The following ATP8A2 variants were observed in gnomAD, a reference collection of about 807,000 sequenced individuals.
The protein encoded by ATP8A2 is phospholipid-transporting ATPase IB.
ATP8A2 carries 100 observed loss-of-function variants against 165.6 expected under a neutral mutation model. That is an observed-to-expected ratio of 0.60 (90% CI 0.51 to 0.71). The LOEUF is 0.71. Ranked by LOEUF, ATP8A2 falls within the 30% of genes least tolerant of loss-of-function variation. The pLI, the probability that ATP8A2 is intolerant of heterozygous loss-of-function variation, is 0.00. For missense variants in ATP8A2, 1,227 were observed against 1,479.5 expected (o/e 0.83, Z 2.80); for synonymous variants, 543 against 548.8 (o/e 0.99, Z 0.15).
At chr13:25,612,004 G>T (rs1184287629) in intron 24 of ATP8A2, among the ~76,000 whole-genome samples, 1 of 151,926 alleles carries the variant, frequency 6.6e-6, no homozygotes, top group African/African-American at 2.4e-5. Context: ...ATTTCTAATT[G>T]AACTTAGTTG....
rs544699781 is a variant in ATP8A2 at position 25,553,723 on chromosome 13, A to G, written c.1058-70A>G. The G allele has an allele frequency of 8.1e-5, 120 of 1,486,094 alleles. No individual in the cohort carries two copies. The African/African-American group carries it at 1.3e-3, about 16-fold the overall frequency. 92.1% of individuals were successfully genotyped at this position (1,486,094 alleles called of 1,614,324 possible). ...GGAGGTGCTCAATAACTATTTTAAC[A>G]TGAATCTCTAAATGAGCCAATAGAC... On this transcript the variant is annotated intron_variant, in intron 11 of 36. Coordinates refer to ENST00000381655, the MANE Select transcript of ATP8A2 (RefSeq NM_016529.6).
intron 33 of ATP8A2, among the ~76,000 whole-genome samples, chr13:25,923,336 A>G (rs1954513808): frequency 6.6e-6 from 1 of 152,210 alleles, no homozygotes; most frequent in Non-Finnish European, 1.5e-5. Context: ...GCCTCCTACA[A>G]GCCAGCACAC....
intron 9 of ATP8A2, among the ~76,000 whole-genome samples, chr13:25,542,951 T>A (rs1273294620): frequency 6.6e-6 from 1 of 152,134 alleles, no homozygotes; most frequent in Non-Finnish European, 1.5e-5. Context: ...CTTCCAATAA[T>A]AATACTTAAC....
chr13:25,544,461 C>T (rs866059283), intron 10 of ATP8A2, among the ~76,000 whole-genome samples: 4 of 152,250 alleles, frequency 2.6e-5, no homozygotes, highest in South Asian at 2.1e-4. Flanking sequence ...AAGCAGTAGA[C>T]GTTGGTGGCC....
At chr13:25,814,123 T>A (rs1015837911) in intron 27 of ATP8A2, among the ~76,000 whole-genome samples, 6 of 57,562 alleles carry the variant, frequency 1.0e-4, no homozygotes, top group South Asian at 6.4e-4. Flanking sequence ...ACACACACAC[T>A]CATTAAGTGC....
At chr13:25,567,438 C>T (rs947887021) in intron 16 of ATP8A2, 13 of 456,018 alleles carry the variant, frequency 2.9e-5, no homozygotes, top group African/African-American at 1.0e-4. Flanking sequence ...TCCTCCTCAT[C>T]GTCTGCCCTC....
chr13:25,522,232 T>A (rs2037694584), intron 2 of ATP8A2, among the ~76,000 whole-genome samples: 1 of 152,190 alleles, frequency 6.6e-6, no homozygotes, highest in South Asian at 2.1e-4. Flanking sequence ...TTGTAGCTAT[T>A]GTAAATGAGA....
chr13:25,547,746 A>AAG (rs1255251472), intron 10 of ATP8A2, among the ~76,000 whole-genome samples: 2 of 152,194 alleles, frequency 1.3e-5, no homozygotes, highest in South Asian at 4.1e-4. Context: ...AGCTTTTCTA[A>AAG]CTAGAATTCA....
chr13:25,530,124 GA>G, intron 3 of ATP8A2, 26 bp downstream of exon 3: 1 of 1,372,000 alleles, frequency 7.3e-7, no homozygotes, highest in East Asian at 2.3e-5. Flanking sequence ...CAGTTCCTTG[GA>G]ATTCACTTAA....
intron 33 of ATP8A2, among the ~76,000 whole-genome samples, chr13:25,913,049 T>C (rs570040039): frequency 6.6e-6 from 1 of 152,314 alleles, no homozygotes; most frequent in East Asian, 1.9e-4. Flanking sequence ...GGATAAAGAG[T>C]TAAAAATAGC....
chr13:25,419,760 A>G (rs557299855), intron 1 of ATP8A2, among the ~76,000 whole-genome samples: 1 of 152,302 alleles, frequency 6.6e-6, no homozygotes, highest in East Asian at 1.9e-4. Context: ...AAGATTAACG[A>G]TTAGGAAACA....
chr13:25,757,024 ATGTTCACACAT>A (rs1381425862), intron 25 of ATP8A2, among the ~76,000 whole-genome samples: 2 of 152,134 alleles, frequency 1.3e-5, no homozygotes, highest in Non-Finnish European at 2.9e-5. Flanking sequence ...CCTCATTAAT[ATGTTCACACAT>A]TGCCAACGCC....
At chr13:25,580,093 T>C in intron 22 of ATP8A2, 146 bp downstream of exon 22, 1 of 1,006,528 alleles carries the variant, frequency 9.9e-7, no homozygotes, top group Non-Finnish European at 1.4e-6. Context: ...ATCATTTTCT[T>C]TGCTTTAAGA....
chr13:25,919,521 T>C (rs1488884806), intron 33 of ATP8A2, among the ~76,000 whole-genome samples: 6 of 152,108 alleles, frequency 3.9e-5, no homozygotes, highest in African/African-American at 9.7e-5. Context: ...CGAGGTGGGC[T>C]GCGGGAGCCT....
At chr13:25,987,812 A>C (rs1956302698) in intron 35 of ATP8A2, among the ~76,000 whole-genome samples, 1 of 152,204 alleles carries the variant, frequency 6.6e-6, no homozygotes, top group African/African-American at 2.4e-5. Context: ...AACTAACAAT[A>C]AAAAAGGCAC....
At chr13:26,000,985 A>G (rs1237164296) in intron 35 of ATP8A2, among the ~76,000 whole-genome samples, 1 of 152,202 alleles carries the variant, frequency 6.6e-6, no homozygotes, top group Admixed American at 6.5e-5. Flanking sequence ...GAATATTTTC[A>G]TCTCCCCAAA....
intron 35 of ATP8A2, among the ~76,000 whole-genome samples, chr13:25,978,994 T>A (rs1413730836): frequency 6.6e-6 from 1 of 152,014 alleles, no homozygotes; most frequent in Non-Finnish European, 1.5e-5. Context: ...ATTTGATGGC[T>A]GCTTTTGCAC....
intron 25 of ATP8A2, 77 bp downstream of exon 25, chr13:25,699,422 A>C: frequency 3.5e-6 from 4 of 1,144,820 alleles, no homozygotes; most frequent in Non-Finnish European, 4.7e-6. Flanking sequence ...AAAGGGATGC[A>C]TGGGAATTCT....
intron 27 of ATP8A2, among the ~76,000 whole-genome samples, chr13:25,801,045 G>C (rs531941495): frequency 6.6e-6 from 1 of 152,278 alleles, no homozygotes; most frequent in South Asian, 2.1e-4. Context: ...AGCTGCTGAG[G>C]TCTGTTTGTA....
Sources: allele counts gnomAD v4.1 joint callset (sites outside exome capture counted in the v4.1 genomes callset), GRCh38; gene constraint gnomAD v4.1.1; transcripts MANE v1.5; gene names NCBI Gene and HGNC (gene_info 2026-07-23, HGNC 2026-07-21).